MAD1L1: variants seen among roughly 807,000 people sequenced by gnomAD.
MAD1L1 encodes the protein mitotic arrest deficient 1 like 1, also known as mitotic spindle assembly checkpoint protein MAD1.
MAD1L1 carries 95 observed loss-of-function variants against 96.9 expected under a neutral mutation model. The observed-to-expected ratio is 0.98, with a 90% CI of 0.83 to 1.16. The LOEUF (loss-of-function observed/expected upper bound fraction) is 1.16, where lower values mean the gene tolerates loss of function less well. MAD1L1 is among the 50% of genes most tolerant of loss of function. The pLI is 0.00. For missense variants in MAD1L1, 1,007 were observed against 954.4 expected, an observed-to-expected ratio of 1.06 and a Z score of -0.73; for synonymous variants, 473 against 396.6, an observed-to-expected ratio of 1.19 and a Z score of -2.29.
At chr7:2,036,862 G>A (rs1377842955) in intron 12 of MAD1L1, among the ~76,000 whole-genome samples, 1 of 152,128 alleles carries the variant, frequency 6.6e-6, no homozygotes, top group Non-Finnish European at 1.5e-5. Context: ...GACCAACCAG[G>A]TGGGAGGTGG....
chr7:2,197,054 G>A (rs558176144), intron 10 of MAD1L1, among the ~76,000 whole-genome samples: 6 of 152,320 alleles, frequency 3.9e-5, no homozygotes, highest in African/African-American at 7.2e-5. Flanking sequence ...GACCTTCTGC[G>A]GCTCCTGTGA....
chr7:2,075,606 C>T (rs1785338313), intron 11 of MAD1L1, among the ~76,000 whole-genome samples: 1 of 152,140 alleles, frequency 6.6e-6, no homozygotes, highest in East Asian at 1.9e-4. Flanking sequence ...CAATGGCTCT[C>T]TGAGCCAGCC....
At chr7:2,134,921 C>T (rs1003163157) in intron 11 of MAD1L1, among the ~76,000 whole-genome samples, 17 of 152,178 alleles carry the variant, frequency 1.1e-4, no homozygotes, top group African/African-American at 3.1e-4. Context: ...TTCAACTGCC[C>T]GGAATGCTGC....
chr7:2,012,300 C>T (rs1782339431), intron 13 of MAD1L1, among the ~76,000 whole-genome samples: 1 of 152,148 alleles, frequency 6.6e-6, no homozygotes, highest in South Asian at 2.1e-4. Flanking sequence ...CCGTGACGAG[C>T]CAATCACAGT....
chr7:2,232,401 C>CT (rs1794241091), intron 1 of MAD1L1, among the ~76,000 whole-genome samples: 1 of 152,260 alleles, frequency 6.6e-6, no homozygotes, highest in Non-Finnish European at 1.5e-5. Flanking sequence ...CCCACACGCC[C>CT]CCTTCCTGAG....
intron 10 of MAD1L1, among the ~76,000 whole-genome samples, chr7:2,157,314 T>C (rs2128585836): frequency 6.6e-6 from 1 of 152,238 alleles, no homozygotes; most frequent in South Asian, 2.1e-4. Flanking sequence ...GAAGCGGTAA[T>C]GATGGAACAA....
chr7:1,945,865 G>A (rs960789407), intron 16 of MAD1L1, among the ~76,000 whole-genome samples: 3 of 152,160 alleles, frequency 2.0e-5, no homozygotes, highest in African/African-American at 4.8e-5. Flanking sequence ...GGACCACCAG[G>A]GCAGGAGGTG....
At chr7:2,108,007 G>GT (rs1377667216) in intron 11 of MAD1L1, among the ~76,000 whole-genome samples, 1 of 151,356 alleles carries the variant, frequency 6.6e-6, no homozygotes, top group Non-Finnish European at 1.5e-5. Flanking sequence ...AGGATGCTCA[G>GT]TGGGGACATG....
chr7:1,965,097 A>G (rs1313098022), intron 15 of MAD1L1, among the ~76,000 whole-genome samples: 1 of 152,206 alleles, frequency 6.6e-6, no homozygotes, highest in Non-Finnish European at 1.5e-5. Flanking sequence ...AGCCCTGATC[A>G]TGGTGTCTGG....
At chr7:2,224,946 C>G (rs1303739788) in intron 4 of MAD1L1, among the ~76,000 whole-genome samples, 1 of 152,190 alleles carries the variant, frequency 6.6e-6, no homozygotes, top group Non-Finnish European at 1.5e-5. Flanking sequence ...GCCTGTCACT[C>G]CTACACCACT....
At chr7:2,156,108 GC>G (rs1789821203) in intron 10 of MAD1L1, among the ~76,000 whole-genome samples, 1 of 152,156 alleles carries the variant, frequency 6.6e-6, no homozygotes, top group South Asian at 2.1e-4. Context: ...GTTTCACGGC[GC>G]GTGTGGCGAG....
intron 12 of MAD1L1, among the ~76,000 whole-genome samples, chr7:2,056,055 C>T (rs1454738159): frequency 6.6e-6 from 1 of 152,218 alleles, no homozygotes; most frequent in African/African-American, 2.4e-5. Flanking sequence ...AGTCTCTATG[C>T]CACTCTTAAG....
intron 11 of MAD1L1, among the ~76,000 whole-genome samples, chr7:2,135,996 A>G (rs1788731176): frequency 6.6e-6 from 1 of 152,160 alleles, no homozygotes; most frequent in Non-Finnish European, 1.5e-5. Context: ...TCCCAGGCAG[A>G]GGGAAAGCTC....
intron 13 of MAD1L1, 27 bp from the exon 14 acceptor site, chr7:2,002,148 G>A: frequency 6.2e-7 from 1 of 1,610,504 alleles, no homozygotes; most frequent in Non-Finnish European, 8.5e-7. Context: ...GATTCGGCCT[G>A]AGACTGTGGT....
chr7:2,172,118 C>CAA (rs2128595554), intron 10 of MAD1L1, among the ~76,000 whole-genome samples: 1 of 152,258 alleles, frequency 6.6e-6, no homozygotes, highest in East Asian at 1.9e-4. Context: ...GCCCCCACCT[C>CAA]AAAGGGTGGC....
intron 10 of MAD1L1, among the ~76,000 whole-genome samples, chr7:2,181,592 A>T (rs758870375): frequency 3.0e-4 from 46 of 152,370 alleles, no homozygotes; most frequent in Middle Eastern, 3.4e-3. Context: ...TGCTCGTGGG[A>T]ATGGAAACTA....
At chr7:2,155,613 T>C (rs1789793019) in intron 10 of MAD1L1, among the ~76,000 whole-genome samples, 1 of 152,314 alleles carries the variant, frequency 6.6e-6, no homozygotes, top group South Asian at 2.1e-4. Context: ...TCAAGGCTCA[T>C]CCATGTTACA....
chr7:2,078,443 C>T (rs1584266883), intron 11 of MAD1L1, among the ~76,000 whole-genome samples: 1 of 152,210 alleles, frequency 6.6e-6, no homozygotes, highest in African/African-American at 2.4e-5. Context: ...CCCAGTTCCT[C>T]CCCTGCCCCA....
At position 2,142,383 on chromosome 7, in the gene MAD1L1, G is replaced by A. The variant is rs1789080200; in HGVS notation, c.1073+6769C>T. Among the ~76,000 whole-genome samples, 3 of 152,212 alleles carry A rather than the reference G, an allele frequency of 2.0e-5. No homozygotes were observed. The highest frequency in any genetic ancestry group is 7.2e-5 in the African/African-American group (3 of 41,460). ...TGGGGGCTGAGGCCTCTATGGCGCA[G>A]GTGCACTGTGCGTCCCAGGCATGGT... On this transcript the variant is annotated intron_variant, in intron 11 of 18. Transcript: ENST00000265854. This position sits in a 1 kb window ranked among gnomAD's most constrained non-coding sequence, Gnocchi z 4.7.
Sources: allele counts gnomAD v4.1 joint callset (sites outside exome capture counted in the v4.1 genomes callset), GRCh38; gene constraint gnomAD v4.1.1; non-coding constraint Gnocchi (gnomAD v3.1); transcripts MANE v1.5; gene names NCBI Gene and HGNC (gene_info 2026-07-23, HGNC 2026-07-21).